TENM2: variants seen among roughly 807,000 people sequenced by gnomAD.
TENM2 encodes the protein teneurin-2.
A neutral mutation model predicts 245.2 loss-of-function variants in TENM2; 52 were observed. The observed-to-expected ratio is 0.21, with a 90% CI of 0.17 to 0.27. The LOEUF is 0.27. Among genes scored for constraint, TENM2 ranks in the 10% least tolerant of loss-of-function variants. The pLI is 1.00. For synonymous variants in TENM2, 1,363 were observed against 1,438.9 expected, an observed-to-expected ratio of 0.95 and a Z score of 1.19; for missense variants, 3,046 against 3,666.8, an observed-to-expected ratio of 0.83 and a Z score of 4.37.
At chr5:167,559,959 C>G (rs1401052322) in intron 2 of TENM2, among the ~76,000 whole-genome samples, 2 of 152,152 alleles carry the variant, frequency 1.3e-5, no homozygotes, top group African/African-American at 4.8e-5. Context: ...GGGTGGCTCT[C>G]ACGACCAAGG....
At chr5:167,623,769 T>C (rs549718562) in intron 2 of TENM2, among the ~76,000 whole-genome samples, 1 of 152,208 alleles carries the variant, frequency 6.6e-6, no homozygotes, top group Non-Finnish European at 1.5e-5. Context: ...TTTGGTTTTG[T>C]TTCCTTTTTA....
At chr5:168,091,450 T>C (rs1792932956) in intron 8 of TENM2, among the ~76,000 whole-genome samples, 1 of 152,140 alleles carries the variant, frequency 6.6e-6, no homozygotes, top group Non-Finnish European at 1.5e-5. Flanking sequence ...TCTAAAAGGG[T>C]CATTCACTTG....
the TENM2 span, among the ~76,000 whole-genome samples, chr5:167,069,113 A>G: frequency 6.6e-6 from 1 of 152,220 alleles, no homozygotes; most frequent in Non-Finnish European, 1.5e-5. Flanking sequence ...CATTCCTCAC[A>G]TTGTAATATC....
chr5:167,862,238 A>AGTGTGT (rs1306762330), intron 2 of TENM2, among the ~76,000 whole-genome samples: 5 of 134,900 alleles, frequency 3.7e-5, no homozygotes, highest in South Asian at 2.2e-4. Context: ...GTCAATTTAG[A>AGTGTGT]GTATGTGTGT....
rs751265644 is a variant in TENM2, at chr5:168,169,471, G to A, written c.2569+6714G>A. On this transcript the variant is annotated intron_variant, in intron 13 of 28. Transcript: ENST00000518659. ...CACTCCAGCCAGGTCTAAATGAGGA[G>A]AAATAACACTGGAGTCTGTCCAAAG... is the stretch of plus-strand genomic sequence containing the variant. 1.8e-3 allele frequency among the ~76,000 whole-genome samples: 267 copies of A among 152,302 alleles called. 2 individuals carry two copies. Among genetic ancestry groups the A allele is most frequent in the Middle Eastern group, 3.4e-3 (1 of 294 alleles).
Position 167,783,558 on chromosome 5 carries a change from A to G in TENM2, c.503-92428A>G, listed in dbSNP as rs116177749. Among the ~76,000 whole-genome samples, 723 of 152,326 alleles carry G rather than the reference A, an allele frequency of 4.7e-3. 9 individuals are homozygous for G. The highest frequency in any genetic ancestry group is 0.016 in the African/African-American group (673 of 41,562). The stretch of plus-strand genomic sequence containing the variant: ...ACGGCAGTGTGCACTTAAGACAGGG[A>G]AGAAGTACAGCTGCTCTTCAGCTCC... On this transcript the variant is annotated intron_variant, in intron 2 of 28. Coordinates refer to ENST00000518659, the Ensembl canonical transcript of TENM2.
At chr5:168,025,556 G>GT (rs1488930590) in intron 5 of TENM2, among the ~76,000 whole-genome samples, 2 of 152,076 alleles carry the variant, frequency 1.3e-5, no homozygotes, top group African/African-American at 4.8e-5. Flanking sequence ...GCAAGAAGAA[G>GT]TTTAAGTATT....
chr5:168,082,328 C>T (rs1290912189), intron 7 of TENM2, among the ~76,000 whole-genome samples: 1 of 152,080 alleles, frequency 6.6e-6, no homozygotes, highest in East Asian at 1.9e-4. Context: ...GTTAGCCATT[C>T]GTCTAATCTT....
At chr5:167,988,341 A>G (rs1242350854) in intron 4 of TENM2, among the ~76,000 whole-genome samples, 1 of 152,244 alleles carries the variant, frequency 6.6e-6, no homozygotes, top group African/African-American at 2.4e-5. Context: ...AGGTGACAGG[A>G]TGCGGCGTGA....
intron 5 of TENM2, among the ~76,000 whole-genome samples, chr5:168,004,527 A>G (rs943971478): frequency 9.0e-4 from 125 of 138,776 alleles, no homozygotes; most frequent in Admixed American, 4.6e-3. Flanking sequence ...GCACACACAC[A>G]CACACACACA....
chr5:167,921,565 A>G (rs980676676), intron 3 of TENM2, among the ~76,000 whole-genome samples: 14 of 152,176 alleles, frequency 9.2e-5, no homozygotes, highest in Non-Finnish European at 2.1e-4. Context: ...TGAGAAATGT[A>G]TACTCCCTGA....
At chr5:168,040,246 G>A (rs1295381222) in intron 5 of TENM2, among the ~76,000 whole-genome samples, 1 of 152,172 alleles carries the variant, frequency 6.6e-6, no homozygotes, top group African/African-American at 2.4e-5. Context: ...ACTGTAGCTG[G>A]AAGATTTGAG....
chr5:167,140,414 A>T, the TENM2 span, among the ~76,000 whole-genome samples: 1 of 152,124 alleles, frequency 6.6e-6, no homozygotes, highest in Non-Finnish European at 1.5e-5. Context: ...GTACTCATTA[A>T]CCATCCTGAA....
chr5:168,206,967 A>G (rs1562281323), intron 19 of TENM2, among the ~76,000 whole-genome samples: 2 of 152,142 alleles, frequency 1.3e-5, no homozygotes, highest in Non-Finnish European at 2.9e-5. Context: ...TGCTCTGCTT[A>G]AAATACCTTC....
chr5:168,031,145 C>G (rs1158053911), intron 5 of TENM2, among the ~76,000 whole-genome samples: 1 of 152,174 alleles, frequency 6.6e-6, no homozygotes, highest in Non-Finnish European at 1.5e-5. Context: ...CACAAAAGTG[C>G]AGCTTCAAGA....
chr5:168,063,598 T>C (rs1260716416), intron 7 of TENM2, among the ~76,000 whole-genome samples: 5 of 152,290 alleles, frequency 3.3e-5, no homozygotes, highest in African/African-American at 9.6e-5. Flanking sequence ...GAAAATTCAA[T>C]TGGAAGAACT....
chr5:167,668,421 A>T (rs1364423135), intron 2 of TENM2, among the ~76,000 whole-genome samples: 4 of 152,170 alleles, frequency 2.6e-5, no homozygotes, highest in Non-Finnish European at 5.9e-5. Context: ...TATTTTTTAA[A>T]AACGTTCCAC....
intron 12 of TENM2, among the ~76,000 whole-genome samples, chr5:168,139,702 C>T (rs4976536): frequency 0.071 from 10,870 of 152,098 alleles, 759 homozygotes; most frequent in East Asian, 0.28. Context: ...ATGGGGTAGG[C>T]GAGAATGACG....
At chr5:167,663,236 A>C (rs1755361248) in intron 2 of TENM2, among the ~76,000 whole-genome samples, 4 of 151,540 alleles carry the variant, frequency 2.6e-5, no homozygotes, top group African/African-American at 7.3e-5. Context: ...TCTAAATTAA[A>C]ATCTGGGTAA....
Sources: allele counts gnomAD v4.1 joint callset (sites outside exome capture counted in the v4.1 genomes callset), GRCh38; gene constraint gnomAD v4.1.1; transcripts MANE v1.5; gene names NCBI Gene and HGNC (gene_info 2026-07-23, HGNC 2026-07-21).